Variants in RERE observed in about 807,000 individuals in gnomAD.
The protein encoded by RERE is arginine-glutamic acid dipeptide repeats, also known as arginine-glutamic acid dipeptide repeats protein.
RERE carries 40 observed loss-of-function variants against 146.1 expected under a neutral mutation model. The observed-to-expected ratio is 0.27, with a 90% CI of 0.21 to 0.36. The LOEUF (loss-of-function observed/expected upper bound fraction) is 0.36. Among genes scored for constraint, RERE ranks in the 10% least tolerant of loss-of-function variants. The pLI is 1.00. For synonymous variants in RERE, 1,003 were observed against 866.0 expected, an observed-to-expected ratio of 1.16 and a Z score of -2.78; for missense variants, 1,933 against 2,138.7, an observed-to-expected ratio of 0.90 and a Z score of 1.90.
intron 11 of RERE, chr1:8,465,035 G>A (rs1481765105): frequency 1.3e-5 from 2 of 152,296 alleles, no homozygotes; most frequent in Admixed American, 6.5e-5. Flanking sequence ...ATCAATAGGT[G>A]TATTAGTGCC....
chr1:8,806,800 G>A (rs1255364221), intron 1 of RERE: 1 of 152,078 alleles, frequency 6.6e-6, no homozygotes, highest in Non-Finnish European at 1.5e-5. Flanking sequence ...TCACTCCCCT[G>A]CTGTCATCAT....
At chr1:8,431,951 C>T (rs964031105) in intron 11 of RERE, among the ~76,000 whole-genome samples, 1 of 152,126 alleles carries the variant, frequency 6.6e-6, no homozygotes. Flanking sequence ...ATTCATTCTT[C>T]ACTTCATGGA....
intron 11 of RERE, among the ~76,000 whole-genome samples, chr1:8,448,094 C>T (rs1644344697): frequency 6.6e-6 from 1 of 152,220 alleles, no homozygotes; most frequent in African/African-American, 2.4e-5. Flanking sequence ...AAGTCCACCA[C>T]TGCCATTAGA....
rs571686439 is a variant in RERE, at chr1:8,802,103, G to A, written c.-145+15057C>T. ...TATATTAATTTTATAATTATAATTTGTATTTCATTTGAACACATGAAGCTA... is the reference window on the plus strand; with the variant it reads ...TATATTAATTTTATAATTATAATTTATATTTCATTTGAACACATGAAGCTA... On this transcript the variant is annotated intron_variant, in intron 1 of 22. Transcript: ENST00000400908. 2.6e-5 allele frequency among the ~76,000 whole-genome samples: 4 copies of A among 152,304 alleles called. No homozygotes were observed. In the South Asian group the frequency reaches 6.2e-4, roughly 24 times the overall value.
chr1:8,503,149 CCTCT>C (rs1645204328), intron 8 of RERE, among the ~76,000 whole-genome samples: 1 of 151,862 alleles, frequency 6.6e-6, no homozygotes, highest in Non-Finnish European at 1.5e-5. Flanking sequence ...GATGAGTCAA[CCTCT>C]CTGACAACAG....
At chr1:8,499,449 G>A (rs1645099383) in intron 8 of RERE, among the ~76,000 whole-genome samples, 1 of 152,210 alleles carries the variant, frequency 6.6e-6, no homozygotes, top group African/African-American at 2.4e-5. Flanking sequence ...GGACCACGGG[G>A]AAATGGAGAT....
chr1:8,629,197 C>T (rs1441473696), intron 2 of RERE, among the ~76,000 whole-genome samples: 3 of 152,162 alleles, frequency 2.0e-5, no homozygotes, highest in African/African-American at 7.2e-5. Context: ...ACTAATGTGT[C>T]TTTACTAGGG....
rs188782042 is a variant in RERE, at chr1:8,668,926, G to C, written c.-144-12485C>G. On this transcript the variant is annotated intron_variant, in intron 1 of 22. Coordinates refer to ENST00000400908, the MANE Select transcript of RERE (RefSeq NM_001042681.2). ...AATATTCTAAAATGCACTAAACTCTGTGTGTGTGTGTGTGTGTGTGTGTGT... is the reference window on the plus strand; with the variant it reads ...AATATTCTAAAATGCACTAAACTCTCTGTGTGTGTGTGTGTGTGTGTGTGT... Among the ~76,000 whole-genome samples, 170 of 61,196 alleles carry C rather than the reference G, an allele frequency of 2.8e-3. 5 individuals are homozygous for C. The highest frequency in any genetic ancestry group is 4.7e-3 in the Non-Finnish European group (147 of 31,506). 40.1% of individuals were successfully genotyped at this position (61,196 alleles called of 152,430 possible).
At chr1:8,599,839 T>C (rs898060067) in intron 4 of RERE, among the ~76,000 whole-genome samples, 1 of 152,230 alleles carries the variant, frequency 6.6e-6, no homozygotes, top group African/African-American at 2.4e-5. Context: ...TTTTCTGCCA[T>C]GCAATCCTTA....
chr1:8,781,058 C>CA (rs749818377), intron 1 of RERE, among the ~76,000 whole-genome samples: 97 of 135,946 alleles, frequency 7.1e-4, no homozygotes, highest in Middle Eastern at 3.9e-3. Flanking sequence ...CTTGTCTGTA[C>CA]AAAAAAAAAA....
intron 12 of RERE, among the ~76,000 whole-genome samples, chr1:8,390,679 T>C (rs1363549702): frequency 6.6e-6 from 1 of 152,172 alleles, no homozygotes; most frequent in Non-Finnish European, 1.5e-5. Context: ...ATCATATTTA[T>C]CCAGTTAAAA....
intron 10 of RERE, among the ~76,000 whole-genome samples, chr1:8,471,056 C>T (rs1201198805): frequency 6.6e-6 from 1 of 151,386 alleles, no homozygotes; most frequent in South Asian, 2.1e-4. Context: ...ACCTCATGAT[C>T]CCCCCCTGCC....
At chr1:8,464,015 A>G in intron 11 of RERE, among the ~76,000 whole-genome samples, 1 of 152,100 alleles carries the variant, frequency 6.6e-6, no homozygotes. Context: ...TCTCTTATCC[A>G]CTCCTCACAT....
intron 10 of RERE, among the ~76,000 whole-genome samples, chr1:8,469,727 G>A (rs1644654985): frequency 6.6e-6 from 1 of 152,246 alleles, no homozygotes; most frequent in Non-Finnish European, 1.5e-5. Context: ...CTGCTGAGTG[G>A]ATGAAGCTCA....
intron 1 of RERE, among the ~76,000 whole-genome samples, chr1:8,699,256 T>C (rs1473826939): frequency 6.6e-6 from 1 of 152,190 alleles, no homozygotes; most frequent in African/African-American, 2.4e-5. Flanking sequence ...GAGAAAACAG[T>C]CACAGAGGTT....
intron 2 of RERE, among the ~76,000 whole-genome samples, chr1:8,627,482 A>G (rs2124237989): frequency 6.6e-6 from 1 of 152,044 alleles, no homozygotes; most frequent in African/African-American, 2.4e-5. Flanking sequence ...CACACCTGTA[A>G]TCCCAGCTAC....
intron 12 of RERE, among the ~76,000 whole-genome samples, chr1:8,403,085 G>A (rs1643317588): frequency 6.6e-6 from 1 of 152,024 alleles, no homozygotes; most frequent in South Asian, 2.1e-4. Context: ...TTTTAGTAGA[G>A]ACGGGGTTTC....
chr1:8,403,748 T>A (rs1570154512), intron 12 of RERE, among the ~76,000 whole-genome samples: 1 of 152,058 alleles, frequency 6.6e-6, no homozygotes, highest in Admixed American at 6.5e-5. Flanking sequence ...ATATCTGCTA[T>A]TACCTTTATG....
chr1:8,731,201 G>A (rs936692192), intron 1 of RERE, among the ~76,000 whole-genome samples: 2 of 152,180 alleles, frequency 1.3e-5, no homozygotes, highest in South Asian at 4.1e-4. Context: ...TAAAACTTCT[G>A]GAGGTCCAGA....
Sources: gnomAD v4.1 joint callset for allele counts (sites outside exome capture counted in the v4.1 genomes callset) on GRCh38, gnomAD v4.1.1 for gene constraint, MANE v1.5 for transcripts, NCBI Gene and HGNC (gene_info 2026-07-23, HGNC 2026-07-21) for gene names.